COL6A2: variants seen among roughly 807,000 people sequenced by gnomAD.
The protein encoded by COL6A2 is collagen type VI alpha 2 chain, also known as collagen alpha-2(VI) chain.
In COL6A2, 90 loss-of-function variants were observed where a neutral mutation model predicts 124.9. The ratio of observed to expected loss-of-function variants is 0.72; its 90% CI spans 0.61 to 0.86. The LOEUF (loss-of-function observed/expected upper bound fraction) is 0.86, where lower values mean the gene tolerates loss of function less well. Among genes scored for constraint, COL6A2 ranks in the 40% least tolerant of loss-of-function variants. The probability of loss-of-function intolerance (pLI) is 0.00; values close to 1 mark genes in which losing one functional copy is unlikely to be tolerated. For missense variants in COL6A2, 1,607 were observed against 1,502.5 expected (o/e 1.07, Z -1.15); for synonymous variants, 793 against 618.2 (o/e 1.28, Z -4.19).
At chr21:46,098,500 G>A (rs2078250746) in intron 1 of COL6A2, among the ~76,000 whole-genome samples, 1 of 151,730 alleles carries the variant, frequency 6.6e-6, no homozygotes, top group Non-Finnish European at 1.5e-5. Flanking sequence ...TGGGACCCCC[G>A]CTCCCGAGAC....
At chr21:46,126,403 C>T (rs1229845669) in intron 26 of COL6A2, 100 bp from the exon 27 acceptor site, 25 of 1,557,170 alleles carry the variant, frequency 1.6e-5, no homozygotes, top group Admixed American at 3.3e-5. Context: ...GGGCAGAGGC[C>T]AGCTGCACCC....
At chr21:46,118,472 A>G in intron 12 of COL6A2, 142 bp from the exon 13 acceptor site, 1 of 756,966 alleles carries the variant, frequency 1.3e-6, no homozygotes, top group Non-Finnish European at 2.3e-6. Flanking sequence ...GCCCCCAGCC[A>G]GCATCTGGCA....
intron 27 of COL6A2, chr21:46,129,139 G>A (rs548843393): frequency 6.2e-7 from 1 of 1,610,552 alleles, no homozygotes; most frequent in Admixed American, 1.7e-5. Context: ...CCGAGGAGGA[G>A]CTCTAGGCCG....
rs1322009256 is a variant in COL6A2 at position 46,132,338 on chromosome 21, A to G, written c.2846A>G (p.Asp949Gly). 5.6e-6 allele frequency: 9 copies of G among 1,607,858 alleles called. No individual in the cohort carries two copies. Among genetic ancestry groups the G allele is most frequent in the Non-Finnish European group, 7.6e-6 (9 of 1,179,552 alleles). The change falls in exon 28 of 28, where the codon GAC becomes GGC. Residue 949 changes from aspartate to glycine, a missense_variant. This residue lies in a region of COL6A2 where 1,223 missense variants were observed against 1,052.2 expected (regional missense o/e 1.16). Transcript: ENST00000300527. The part of the protein sequence containing the change: ...HAELSFVFLT[D>G]GVTGNDSLHE... ...GAGCTGTCCTTCGTGTTCCTCACGG[A>G]CGGCGTCACGGGCAACGACAGTCTG...
intron 17 of COL6A2, 76 bp downstream of exon 17, chr21:46,121,199 G>A: frequency 1.4e-6 from 2 of 1,429,266 alleles, no homozygotes. Context: ...GGACAGCCTG[G>A]AGCTAGCCAC....
chr21:46,111,847 G>A, intron 2 of COL6A2, 132 bp from the exon 3 acceptor site: 1 of 953,938 alleles, frequency 1.0e-6, no homozygotes, highest in Admixed American at 1.9e-5. Flanking sequence ...CAGGTGCCAG[G>A]GGTTGGGGGC....
Position 46,132,427 on chromosome 21 carries a change from G to A in COL6A2, c.2935G>A (p.Asp979Asn), listed in dbSNP as rs141579198. 1.7e-4 allele frequency: 273 copies of A among 1,606,996 alleles called. No homozygotes were observed. Among genetic ancestry groups the A allele is most frequent in the Non-Finnish European group, 2.1e-4 (244 of 1,177,010 alleles). ...ACCCACCGTGCTGGCCTTGGGCAGC[G>A]ACGTGGACATGGACGTGCTCACCAC... ...VVPTVLALGS[D>N]VDMDVLTTLS... The change falls in exon 28 of 28, where the codon GAC becomes AAC. Residue 979 changes from aspartate (D) to asparagine (N), a missense_variant. By Grantham distance (23) the Asp-to-Asn change is conservative. Around this residue, in one of 3 missense-constraint regions of COL6A2, gnomAD observed 1,223 missense variants for 1,052.2 expected, o/e 1.16. Transcript: ENST00000300527.
At chr21:46,118,556 T>A in intron 12 of COL6A2, 58 bp from the exon 13 acceptor site, 1 of 1,565,580 alleles carries the variant, frequency 6.4e-7, no homozygotes, top group Non-Finnish European at 8.8e-7. Context: ...GCAGCGGGCA[T>A]CCTGCACCCC....
rs771341779 is a variant in COL6A2 at position 46,132,188 on chromosome 21, C to T, written c.2696C>T (p.Thr899Met). ...QVAFPLSHNLTAIHEALETTQ... is the reference protein window; with the variant it reads ...QVAFPLSHNLMAIHEALETTQ... ...GCCTTCCCGCTGAGCCACAACCTCACGGCCATCCACGAGGCGCTGGAGACC... is the reference window on the plus strand; with the variant it reads ...GCCTTCCCGCTGAGCCACAACCTCATGGCCATCCACGAGGCGCTGGAGACC... The change falls in exon 28 of 28, where the codon ACG becomes ATG. Residue 899 changes from threonine (T) to methionine (M), a missense_variant. Physicochemically the swap from Thr to Met is moderately conservative, Grantham distance 81. Transcript: ENST00000300527. 1.1e-5 allele frequency: 18 copies of T among 1,574,896 alleles called. No homozygotes were observed. The highest frequency in any genetic ancestry group is 5.7e-5 in the South Asian group (5 of 87,022).
Position 46,124,542 on chromosome 21 carries a change from C to CT in COL6A2, c.1672-109_1672-108insT, listed in dbSNP as rs1324365043. On this transcript the variant is annotated intron_variant, in intron 21 of 27. Transcript: ENST00000300527. Reference sequence around the variant, plus strand: ...CTTACTCCTTGCACCTGTTAGCCCCCCCCCCCGCCAAGGGAGGACCCGTGG... The same window carrying CT: ...CTTACTCCTTGCACCTGTTAGCCCCCTCCCCCCGCCAAGGGAGGACCCGTGG... 3.1e-6 allele frequency: 3 copies of CT among 954,358 alleles called. No individual in the cohort carries two copies. In the East Asian group the frequency reaches 7.3e-5, roughly 23 times the overall value. The allele number at this position is 954,358 out of a possible 1,614,324, so 59.1% of individuals were successfully genotyped here.
At position 46,122,518 on chromosome 21, in the gene COL6A2, C is replaced by T. The variant is rs752006484; in HGVS notation, c.1595C>T (p.Pro532Leu). The change falls in exon 20 of 28, where the codon CCA (proline) becomes CTA (leucine). Residue 532 changes from proline to leucine, a missense_variant. Pro to Leu is a moderately conservative substitution (Grantham distance 98, BLOSUM62 -3). Transcript: ENST00000300527. ...GAPGEKGEPG[P>L]RGPEGGRGDF... ...CAGGGAGAAAAAGGCGAGCCCGGCC[C>T]ACGCGGCCCCGAGGTATGTGTGGGT... 4 of 1,612,616 alleles carry T rather than the reference C, an allele frequency of 2.5e-6. No individual in the cohort carries two copies. The highest frequency in any genetic ancestry group is 3.3e-5 in the Admixed American group (2 of 59,992).
chr21:46,100,715 T>A (rs1240322397), intron 1 of COL6A2, among the ~76,000 whole-genome samples: 2 of 152,238 alleles, frequency 1.3e-5, no homozygotes, highest in African/African-American at 4.8e-5. Flanking sequence ...ATCCACACTG[T>A]AACGTATGTC....
In COL6A2 at chr21:46,116,301, C is replaced by T. The variant is rs2123626887; in HGVS notation, c.901-76C>T. On this transcript the variant is annotated intron_variant, in intron 7 of 27. Coordinates refer to ENST00000300527, the MANE Select transcript of COL6A2 (RefSeq NM_001849.4). The surrounding 1 kb of genome is among the most constrained non-coding windows in gnomAD (Gnocchi z 4.6). Reference sequence around the variant, plus strand: ...GCGGCCCACCGAGCACTCCCCTCAGCCTGCAGGGCTGGCCCTTCCCTGCCT... The same window carrying T: ...GCGGCCCACCGAGCACTCCCCTCAGTCTGCAGGGCTGGCCCTTCCCTGCCT... 3.2e-6 allele frequency: 5 copies of T among 1,543,008 alleles called. No individual in the cohort carries two copies. The highest frequency in any genetic ancestry group is 1.1e-5 in the South Asian group (1 of 88,394).
At chr21:46,113,161 T>C (rs553111753) in intron 4 of COL6A2, among the ~76,000 whole-genome samples, 16 of 152,174 alleles carry the variant, frequency 1.1e-4, no homozygotes, top group African/African-American at 3.6e-4. Flanking sequence ...GGAACTGACA[T>C]CATCGGGGTC....
intron 27 of COL6A2, among the ~76,000 whole-genome samples, chr21:46,128,283 T>G (rs1311729968): frequency 6.6e-6 from 1 of 151,944 alleles, no homozygotes; most frequent in Non-Finnish European, 1.5e-5. Context: ...GCAGAACCCC[T>G]CCCCTCCTCT....
intron 15 of COL6A2, 105 bp downstream of exon 15, chr21:46,119,955 G>C (rs1171846490): frequency 3.0e-6 from 3 of 999,420 alleles, no homozygotes; most frequent in Non-Finnish European, 4.7e-6. Context: ...AGAACCCCAG[G>C]GCCTCACTCT....
chr21:46,106,455 A>T (rs914214689), intron 1 of COL6A2, among the ~76,000 whole-genome samples: 2 of 152,224 alleles, frequency 1.3e-5, no homozygotes, highest in Non-Finnish European at 2.9e-5. Flanking sequence ...AATAGTACCT[A>T]TGTCCAAGGC....
At chr21:46,121,425 C>A (rs1318271518) in intron 17 of COL6A2, 131 bp from the exon 18 acceptor site, 2 of 892,642 alleles carry the variant, frequency 2.2e-6, no homozygotes, top group Non-Finnish European at 3.7e-6. Context: ...AGGTCCACGG[C>A]CCCCACAGGC....
chr21:46,121,184 T>C (rs1245109935), intron 17 of COL6A2, 61 bp downstream of exon 17: 4 of 1,503,356 alleles, frequency 2.7e-6, no homozygotes, highest in African/African-American at 2.7e-5. Context: ...CCCCTATCCA[T>C]GTGGGGACAG....
Sources: gnomAD v4.1 joint callset for allele counts (sites outside exome capture counted in the v4.1 genomes callset) on GRCh38, gnomAD v4.1.1 for gene constraint, gnomAD v4.1.1 regional missense constraint, Gnocchi (gnomAD v3.1) non-coding constraint, MANE v1.5 for transcripts, NCBI Gene and HGNC (gene_info 2026-07-23, HGNC 2026-07-21) for gene names.